CACNA2D3: variants seen among roughly 807,000 people sequenced by gnomAD.
CACNA2D3 encodes calcium voltage-gated channel auxiliary subunit alpha2delta 3, also known as voltage-dependent calcium channel subunit alpha-2/delta-3.
Under a neutral mutation model 160.6 loss-of-function variants are expected in CACNA2D3, and 60 were observed. The observed-to-expected ratio is 0.37, with a 90% CI of 0.30 to 0.46. The LOEUF is 0.46. Among genes scored for constraint, CACNA2D3 ranks in the 20% least tolerant of loss-of-function variants. The probability of loss-of-function intolerance (pLI) is 1.00; values close to 1 mark genes in which losing one functional copy is unlikely to be tolerated. For missense variants in CACNA2D3, 1,205 were observed against 1,365.0 expected (o/e 0.88, Z 1.85); for synonymous variants, 558 against 492.9 (o/e 1.13, Z -1.75).
chr3:55,006,749 A>G (rs570569055), intron 32 of CACNA2D3, among the ~76,000 whole-genome samples: 14 of 152,268 alleles, frequency 9.2e-5, no homozygotes, highest in Middle Eastern at 3.4e-3. Flanking sequence ...CCGGACTGGG[A>G]AAGTTTTGAG....
chr3:54,212,117 C>G (rs946297958), intron 2 of CACNA2D3, among the ~76,000 whole-genome samples: 1 of 152,140 alleles, frequency 6.6e-6, no homozygotes, highest in African/African-American at 2.4e-5. Context: ...CCAAAAGTAT[C>G]TGAGACAGGT....
chr3:54,136,439 T>G (rs1197959071), intron 2 of CACNA2D3, among the ~76,000 whole-genome samples: 1 of 152,248 alleles, frequency 6.6e-6, no homozygotes, highest in Non-Finnish European at 1.5e-5. Context: ...TACATTTGCC[T>G]TTGTCTAAAT....
intron 11 of CACNA2D3, among the ~76,000 whole-genome samples, chr3:54,729,500 C>G (rs776738832): frequency 1.3e-5 from 2 of 152,066 alleles, no homozygotes; most frequent in Non-Finnish European, 2.9e-5. Context: ...GAGCTGGGCT[C>G]GTTGGTTCTC....
intron 4 of CACNA2D3, among the ~76,000 whole-genome samples, chr3:54,478,925 A>G (rs1700887475): frequency 6.6e-6 from 1 of 151,598 alleles, no homozygotes; most frequent in Non-Finnish European, 1.5e-5. Flanking sequence ...ATTAAACTTT[A>G]TCATTGATAT....
chr3:54,960,826 ATGAGT>A (rs1459109038), intron 27 of CACNA2D3, among the ~76,000 whole-genome samples: 1 of 152,008 alleles, frequency 6.6e-6, no homozygotes, highest in African/African-American at 2.4e-5. Context: ...TATTTAACAG[ATGAGT>A]TATGTCCTAA....
At chr3:54,454,834 A>G (rs1700369616) in intron 4 of CACNA2D3, among the ~76,000 whole-genome samples, 1 of 152,088 alleles carries the variant, frequency 6.6e-6, no homozygotes, top group Admixed American at 6.6e-5. Flanking sequence ...CATATGGGTG[A>G]GAATACACAG....
chr3:54,450,968 C>T lies in CACNA2D3; in HGVS notation c.382-52524C>T, dbSNP rs150724834. Among the ~76,000 whole-genome samples, 933 of 152,180 alleles carry T rather than the reference C, an allele frequency of 6.1e-3. 7 individuals are homozygous for T. Among genetic ancestry groups the T allele is most frequent in the Non-Finnish European group, 9.9e-3 (675 of 68,000 alleles). Reference sequence around the variant, plus strand: ...GTGGAACTGGCATAGGATAGACATTCCTACTCCAAATGGGAGGAATTGGAA... The same window carrying T: ...GTGGAACTGGCATAGGATAGACATTTCTACTCCAAATGGGAGGAATTGGAA... On this transcript the variant is annotated intron_variant, in intron 4 of 37. Coordinates refer to ENST00000474759, the MANE Select transcript of CACNA2D3 (RefSeq NM_018398.3).
intron 27 of CACNA2D3, among the ~76,000 whole-genome samples, chr3:54,964,891 G>A (rs1219093895): frequency 1.3e-5 from 2 of 151,466 alleles, no homozygotes; most frequent in South Asian, 4.2e-4. Flanking sequence ...GCTCAATCCC[G>A]TTACTCTCGA....
intron 11 of CACNA2D3, among the ~76,000 whole-genome samples, chr3:54,733,644 G>T (rs1701436861): frequency 6.6e-6 from 1 of 152,270 alleles, no homozygotes; most frequent in South Asian, 2.1e-4. Context: ...TTAGAGCAGG[G>T]TATTAAATAT....
At chr3:54,790,022 C>A (rs2106643996) in intron 13 of CACNA2D3, 7 of 366,082 alleles carry the variant, frequency 1.9e-5, no homozygotes, top group South Asian at 1.4e-4. Context: ...ATTTCACTTT[C>A]CTTCCTACTT....
intron 9 of CACNA2D3, among the ~76,000 whole-genome samples, chr3:54,614,769 C>T (rs956230509): frequency 6.6e-6 from 1 of 152,132 alleles, no homozygotes; most frequent in Admixed American, 6.5e-5. Flanking sequence ...AAGCTATCAA[C>T]TACTGTATGG....
At chr3:54,939,387 A>G (rs765359589) in intron 27 of CACNA2D3, among the ~76,000 whole-genome samples, 9 of 152,052 alleles carry the variant, frequency 5.9e-5, no homozygotes, top group Admixed American at 1.3e-4. Context: ...CCTTTGAACT[A>G]CTCTGCGTTT....
chr3:54,662,144 T>G (rs1475360575), intron 11 of CACNA2D3, among the ~76,000 whole-genome samples: 1 of 151,984 alleles, frequency 6.6e-6, no homozygotes, highest in Non-Finnish European at 1.5e-5. Flanking sequence ...AGTAGCTGCC[T>G]GATAGGAAGT....
intron 16 of CACNA2D3, among the ~76,000 whole-genome samples, chr3:54,839,920 C>T (rs1575505179): frequency 6.6e-6 from 1 of 152,056 alleles, no homozygotes; most frequent in Non-Finnish European, 1.5e-5. Flanking sequence ...GATCCAAACC[C>T]ACATAATAAA....
At chr3:55,002,450 A>G (rs1379743258) in intron 31 of CACNA2D3, among the ~76,000 whole-genome samples, 1 of 152,232 alleles carries the variant, frequency 6.6e-6, no homozygotes, top group Non-Finnish European at 1.5e-5. Context: ...CCAGTCAGGG[A>G]CCAATTAGAG....
In CACNA2D3 at chr3:54,888,389, G is replaced by A. The variant is rs141125652; in HGVS notation, c.2150+337G>A. Reference sequence around the variant, plus strand: ...ACTTTGCAGTCTTGGGGGAGCTTGGGATCTGGGCCAGGTTAGGTTGTGAGT... The same window carrying A: ...ACTTTGCAGTCTTGGGGGAGCTTGGAATCTGGGCCAGGTTAGGTTGTGAGT... On this transcript the variant is annotated intron_variant, in intron 24 of 37. Transcript: ENST00000474759. Among the ~76,000 whole-genome samples, 351 of 152,288 alleles carry A rather than the reference G, an allele frequency of 2.3e-3. 2 individuals are homozygous for A. Among genetic ancestry groups the A allele is most frequent in the Non-Finnish European group, 3.7e-3 (251 of 68,024 alleles).
chr3:54,792,107 C>T (rs954892912), intron 13 of CACNA2D3, among the ~76,000 whole-genome samples: 4 of 152,146 alleles, frequency 2.6e-5, no homozygotes, highest in African/African-American at 4.8e-5. Context: ...ATCCATGGTT[C>T]GTGACAGCTC....
chr3:54,482,588 G>A (rs1232786465), intron 4 of CACNA2D3, among the ~76,000 whole-genome samples: 2 of 152,120 alleles, frequency 1.3e-5, no homozygotes, highest in African/African-American at 4.8e-5. Context: ...TATATTATTT[G>A]TCTTCTTTTC....
chr3:54,491,690 A>G (rs1575486542), intron 4 of CACNA2D3, among the ~76,000 whole-genome samples: 1 of 152,228 alleles, frequency 6.6e-6, no homozygotes, highest in African/African-American at 2.4e-5. Context: ...GTATTGGAAC[A>G]CAGCCACACC....
Sources: allele counts gnomAD v4.1 joint callset (sites outside exome capture counted in the v4.1 genomes callset), GRCh38; gene constraint gnomAD v4.1.1; transcripts MANE v1.5; gene names NCBI Gene and HGNC (gene_info 2026-07-23, HGNC 2026-07-21).